The following EXD1 variants were observed in gnomAD, a reference collection of about 807,000 sequenced individuals.
The protein encoded by EXD1 is exonuclease 3'-5' domain containing 1, also known as piRNA biogenesis protein EXD1.
EXD1 carries 63 observed loss-of-function variants against 49.1 expected under a neutral mutation model. That is an observed-to-expected ratio of 1.28 (90% CI 1.05 to 1.58). EXD1 has a LOEUF of 1.58. EXD1 is among the 40% of genes most tolerant of loss of function. EXD1 has a pLI of 0.00. For synonymous variants in EXD1, 234 were observed against 239.2 expected (o/e 0.98, Z 0.20); for missense variants, 748 against 666.0 (o/e 1.12, Z -1.36).
At chr15:41,201,299 G>A (rs542622875) in intron 7 of EXD1, among the ~76,000 whole-genome samples, 1 of 152,090 alleles carries the variant, frequency 6.6e-6, no homozygotes, top group East Asian at 1.9e-4. Flanking sequence ...ATTAACAACT[G>A]GAAATGCTAT....
At chr15:41,197,190 TA>T (rs1409346138) in intron 7 of EXD1, among the ~76,000 whole-genome samples, 6 of 151,104 alleles carry the variant, frequency 4.0e-5, no homozygotes, top group Non-Finnish European at 1.5e-5. Context: ...TGTTCTTAAG[TA>T]AAAAAAGTAA....
intron 7 of EXD1, among the ~76,000 whole-genome samples, chr15:41,207,056 C>T (rs537443350): frequency 7.7e-6 from 1 of 129,724 alleles, no homozygotes; most frequent in African/African-American, 2.9e-5. Context: ...GCCTGGCCAA[C>T]GTGGTGAAAC....
At chr15:41,188,541 C>T (rs1449542050) in intron 11 of EXD1, among the ~76,000 whole-genome samples, 3 of 151,252 alleles carry the variant, frequency 2.0e-5, no homozygotes, top group Admixed American at 6.6e-5. Flanking sequence ...TACAGGTGCC[C>T]GCCACCATGC....
rs1462778242 is a variant in EXD1 at position 41,182,756 on chromosome 15, G to C, written c.*1175C>G. ...TTTTAAGTAGAGTATGACAAAACAG[G>C]TTTATTGGTTATTTTACACAAAAGA... On this transcript the variant is annotated 3_prime_UTR_variant, in exon 12 of 12. Coordinates refer to ENST00000458580, the MANE Select transcript of EXD1 (RefSeq NM_001286441.2). 1 of 152,094 alleles carries C rather than the reference G, an allele frequency of 6.6e-6. No homozygotes were observed. The highest frequency in any genetic ancestry group is 1.5e-5 in the Non-Finnish European group (1 of 68,032). 9.4% of individuals were successfully genotyped at this position (152,094 alleles called of 1,614,324 possible). A position where few individuals can be genotyped will look rare whatever the true frequency, so the allele number is the denominator to read the frequency against.
At chr15:41,227,526 G>A (rs1288805904) in intron 1 of EXD1, among the ~76,000 whole-genome samples, 6 of 151,212 alleles carry the variant, frequency 4.0e-5, no homozygotes, top group South Asian at 2.1e-4. Context: ...AAAATTAGCC[G>A]GGTGTGGTGG....
At chr15:41,195,084 C>T (rs559646294) in intron 9 of EXD1, among the ~76,000 whole-genome samples, 4 of 152,246 alleles carry the variant, frequency 2.6e-5, no homozygotes, top group African/African-American at 9.6e-5. Flanking sequence ...TTACTGCTCT[C>T]ACAGCCAAAC....
chr15:41,212,783 A>G (rs2046940702), intron 6 of EXD1, among the ~76,000 whole-genome samples: 1 of 152,190 alleles, frequency 6.6e-6, no homozygotes, highest in African/African-American at 2.4e-5. Context: ...TTACACCTCT[A>G]ATCCCAGCAC....
At chr15:41,218,121 G>C (rs1190754744) in intron 3 of EXD1, among the ~76,000 whole-genome samples, 4 of 152,120 alleles carry the variant, frequency 2.6e-5, no homozygotes, top group African/African-American at 9.7e-5. Flanking sequence ...GAGGCAGGCA[G>C]ATCACCTGAG....
rs112636187 is a variant in EXD1, at chr15:41,191,853, T to C, written c.721-268A>G. The C allele has an allele frequency of 1.9e-3, 549 of 290,300 alleles. 5 individuals are homozygous for C. The highest frequency in any genetic ancestry group is 0.011 in the African/African-American group (514 of 45,566). The allele number at this position is 290,300 out of a possible 1,614,324, so 18.0% of individuals were successfully genotyped here. A position where few individuals can be genotyped will look rare whatever the true frequency, so the allele number is the denominator to read the frequency against. On this transcript the variant is annotated intron_variant, in intron 9 of 11. Coordinates refer to ENST00000458580, the MANE Select transcript of EXD1 (RefSeq NM_001286441.2). ...GTGCAGTGGCATGATCTCAGCTCAC[T>C]GCAACCTCCACTTCCCAGGTTCAAG... is the stretch of plus-strand genomic sequence containing the variant.
chr15:41,206,841 C>G (rs180802679), intron 7 of EXD1, among the ~76,000 whole-genome samples: 6 of 142,334 alleles, frequency 4.2e-5, no homozygotes, highest in African/African-American at 1.5e-4. Context: ...AGGCTAGTCT[C>G]AAACCCCTGA....
At chr15:41,211,635 C>A (rs2046922532) in intron 6 of EXD1, among the ~76,000 whole-genome samples, 1 of 151,580 alleles carries the variant, frequency 6.6e-6, no homozygotes, top group South Asian at 2.1e-4. Context: ...CCAGCCAGGG[C>A]AACATAGTGA....
intron 9 of EXD1, chr15:41,192,007 G>C: frequency 6.1e-6 from 1 of 163,192 alleles, no homozygotes; most frequent in Non-Finnish European, 1.3e-5. Context: ...GAGTGCAGTG[G>C]CTATTCACAG....
chr15:41,195,139 T>C (rs1188725434), intron 9 of EXD1, among the ~76,000 whole-genome samples: 1 of 152,100 alleles, frequency 6.6e-6, no homozygotes, highest in Non-Finnish European at 1.5e-5. Context: ...GTTCATGCCT[T>C]TACTTGGGTG....
chr15:41,187,209 C>A (rs1246339957), intron 11 of EXD1, among the ~76,000 whole-genome samples: 14 of 151,986 alleles, frequency 9.2e-5, no homozygotes, highest in Admixed American at 9.2e-4. Flanking sequence ...CCTGCCTCAG[C>A]CTCCCAAGTA....
chr15:41,214,036 A>G (rs112528350), intron 6 of EXD1, among the ~76,000 whole-genome samples: 24,473 of 152,002 alleles, frequency 0.16, 3,642 homozygotes, highest in African/African-American at 0.39. Flanking sequence ...GTGCAGTGGC[A>G]GGCGCCTGTA....
chr15:41,217,222 A>T, intron 3 of EXD1, 68 bp from the exon 4 acceptor site: 1 of 1,292,362 alleles, frequency 7.7e-7, no homozygotes, highest in African/African-American at 1.5e-5. Context: ...TCCACTACCC[A>T]CACACCCCTA....
At chr15:41,208,756 ATAATAATAATAG>A (rs2046874310) in intron 7 of EXD1, among the ~76,000 whole-genome samples, 2 of 151,960 alleles carry the variant, frequency 1.3e-5, no homozygotes, top group African/African-American at 4.8e-5. Flanking sequence ...TCTCAAAATA[ATAATAATAATAG>A]TAATAATAAT....
intron 6 of EXD1, among the ~76,000 whole-genome samples, chr15:41,211,397 C>T (rs75787286): frequency 0.16 from 24,509 of 151,932 alleles, 3,644 homozygotes; most frequent in African/African-American, 0.39. Context: ...AAGACTGAGC[C>T]ACCACGCCTG....
chr15:41,222,371 C>T (rs1490313324), intron 2 of EXD1, among the ~76,000 whole-genome samples: 1 of 152,130 alleles, frequency 6.6e-6, no homozygotes, highest in Non-Finnish European at 1.5e-5. Flanking sequence ...GTCGAGATCC[C>T]TCCCAAAGTG....
Sources: allele counts gnomAD v4.1 joint callset (sites outside exome capture counted in the v4.1 genomes callset), GRCh38; gene constraint gnomAD v4.1.1; transcripts MANE v1.5; gene names NCBI Gene and HGNC (gene_info 2026-07-23, HGNC 2026-07-21).